CNTNAP2: variants seen among roughly 807,000 people sequenced by gnomAD.
CNTNAP2 encodes contactin-associated protein-like 2.
Under a neutral mutation model 155.2 loss-of-function variants are expected in CNTNAP2, and 98 were observed. The ratio of observed to expected loss-of-function variants is 0.63; its 90% CI spans 0.54 to 0.75. The LOEUF is 0.75. CNTNAP2 is among the 30% of genes least tolerant of loss of function. The pLI is 0.00. For missense variants in CNTNAP2, 1,727 were observed against 1,688.1 expected (o/e 1.02, Z -0.40); for synonymous variants, 651 against 631.2 (o/e 1.03, Z -0.47).
intron 12 of CNTNAP2, among the ~76,000 whole-genome samples, chr7:147,568,807 G>A (rs1800226139): frequency 6.6e-6 from 1 of 151,964 alleles, no homozygotes; most frequent in Admixed American, 6.6e-5. Context: ...CTTTCACTTA[G>A]TTCTTTCTGC....
chr7:147,130,062 G>GA lies in CNTNAP2; in HGVS notation c.1083+1232dup, dbSNP rs1365677040. 2.6e-5 allele frequency among the ~76,000 whole-genome samples: 4 copies of GA among 152,030 alleles called. No individual in the cohort carries two copies. The East Asian group carries it at 5.8e-4, about 22-fold the overall frequency. ...GATGAAAACATTGCGATTTAACATG[G>GA]AAAAAATAAGTTATTTTATGAGAAA... On this transcript the variant is annotated intron_variant, in intron 7 of 23. Coordinates refer to ENST00000361727, the MANE Select transcript of CNTNAP2 (RefSeq NM_014141.6).
chr7:146,995,751 C>T (rs1018449687), intron 3 of CNTNAP2, among the ~76,000 whole-genome samples: 8 of 152,180 alleles, frequency 5.3e-5, no homozygotes, highest in Non-Finnish European at 8.8e-5. Flanking sequence ...ATCATAAAAG[C>T]ACTCCATGAA....
chr7:146,805,278 G>C (rs2129192445), intron 2 of CNTNAP2, among the ~76,000 whole-genome samples: 1 of 152,300 alleles, frequency 6.6e-6, no homozygotes, highest in Admixed American at 6.5e-5. Flanking sequence ...GAACCCTCAA[G>C]ATGATGAAAC....
chr7:148,369,181 CTTTTTTTTTTTTTTTTTT>C (rs376460265), intron 21 of CNTNAP2, among the ~76,000 whole-genome samples: 4 of 92,306 alleles, frequency 4.3e-5, no homozygotes, highest in African/African-American at 1.9e-4. Context: ...AATTGAATCC[CTTTTTTTTTTTTTTTTTT>C]TTTTTTTTTT....
At chr7:146,923,653 C>T (rs1365288760) in intron 3 of CNTNAP2, among the ~76,000 whole-genome samples, 2 of 152,078 alleles carry the variant, frequency 1.3e-5, no homozygotes, top group Non-Finnish European at 2.9e-5. Flanking sequence ...TATTGTTTGG[C>T]TGCTTTTATT....
At chr7:146,953,642 T>A (rs1797368550) in intron 3 of CNTNAP2, among the ~76,000 whole-genome samples, 1 of 151,974 alleles carries the variant, frequency 6.6e-6, no homozygotes, top group Admixed American at 6.6e-5. Flanking sequence ...AAATCTTTGT[T>A]TATTAATTTT....
intron 8 of CNTNAP2, among the ~76,000 whole-genome samples, chr7:147,214,542 T>C (rs1276390816): frequency 6.6e-6 from 1 of 152,184 alleles, no homozygotes; most frequent in East Asian, 1.9e-4. Flanking sequence ...TTATTATATC[T>C]CTTATTAAAG....
At chr7:147,930,687 C>A (rs1800484952) in intron 14 of CNTNAP2, among the ~76,000 whole-genome samples, 1 of 152,142 alleles carries the variant, frequency 6.6e-6, no homozygotes, top group African/African-American at 2.4e-5. Flanking sequence ...AAACTATAGA[C>A]CAAGTGGACC....
chr7:147,391,076 C>T (rs1370419733), intron 9 of CNTNAP2, among the ~76,000 whole-genome samples: 1 of 152,146 alleles, frequency 6.6e-6, no homozygotes, highest in Non-Finnish European at 1.5e-5. Flanking sequence ...TCAAGTACCA[C>T]TTCCCAAGTA....
At chr7:146,510,703 G>A (rs116532394) in intron 1 of CNTNAP2, among the ~76,000 whole-genome samples, 2,207 of 150,722 alleles carry the variant, frequency 0.015, 43 homozygotes, top group African/African-American at 0.049. Context: ...TCACTTTTTT[G>A]TTTATATTTA....
At chr7:147,784,493 TAATA>T (rs1277271385) in intron 13 of CNTNAP2, among the ~76,000 whole-genome samples, 6 of 48,102 alleles carry the variant, frequency 1.2e-4, no homozygotes, top group African/African-American at 2.8e-4. Context: ...GGCTCTGGAC[TAATA>T]TATATATATA....
intron 1 of CNTNAP2, among the ~76,000 whole-genome samples, chr7:146,228,693 T>TA (rs1440537254): frequency 1.3e-5 from 2 of 152,206 alleles, no homozygotes; most frequent in Non-Finnish European, 2.9e-5. Context: ...TTCATCTCTT[T>TA]ATGCAATTTC....
intron 1 of CNTNAP2, among the ~76,000 whole-genome samples, chr7:146,120,313 T>C (rs1797543238): frequency 6.6e-6 from 1 of 152,140 alleles, no homozygotes; most frequent in Admixed American, 6.5e-5. Flanking sequence ...CATTGGTTGA[T>C]AAAGCATAGC....
intron 1 of CNTNAP2, among the ~76,000 whole-genome samples, chr7:146,458,007 C>T (rs539202817): frequency 3.2e-4 from 49 of 152,088 alleles, no homozygotes; most frequent in Non-Finnish European, 5.0e-4. Context: ...TTTGCAGGGA[C>T]GTGAATGGAG....
At chr7:146,869,362 G>A (rs1657992223) in intron 3 of CNTNAP2, among the ~76,000 whole-genome samples, 1 of 152,122 alleles carries the variant, frequency 6.6e-6, no homozygotes, top group Non-Finnish European at 1.5e-5. Context: ...TGCATCCCGG[G>A]CATGAAACCT....
intron 9 of CNTNAP2, among the ~76,000 whole-genome samples, chr7:147,304,931 A>ACCATTTTGTTATTGTATGTTCTCATCG (rs1286343040): frequency 6.6e-6 from 1 of 152,186 alleles, no homozygotes; most frequent in East Asian, 1.9e-4. Context: ...GCTGCAGACA[A>ACCATTTTGTTATTGTATGTTCTCATCG]CCATTTTGTT....
chr7:146,420,652 G>A (rs948632540), intron 1 of CNTNAP2, among the ~76,000 whole-genome samples: 8 of 151,946 alleles, frequency 5.3e-5, no homozygotes, highest in African/African-American at 1.9e-4. Flanking sequence ...CTTGTAGGTG[G>A]GTGTCTATTT....
chr7:146,554,770 T>C (rs1012177553), intron 1 of CNTNAP2, among the ~76,000 whole-genome samples: 1 of 152,182 alleles, frequency 6.6e-6, no homozygotes, highest in Non-Finnish European at 1.5e-5. Context: ...CCCAGGCAGG[T>C]GGTGTGCACT....
At chr7:146,265,648 C>T (rs802572) in intron 1 of CNTNAP2, among the ~76,000 whole-genome samples, 76,191 of 151,548 alleles carry the variant, frequency 0.5, 23,466 homozygotes, top group African/African-American at 0.87. Context: ...TTTATAGAGA[C>T]GGGGTTTTGC....
Sources: gnomAD v4.1 joint callset for allele counts (sites outside exome capture counted in the v4.1 genomes callset) on GRCh38, gnomAD v4.1.1 for gene constraint, MANE v1.5 for transcripts, NCBI Gene and HGNC (gene_info 2026-07-23, HGNC 2026-07-21) for gene names.